Variants in LONP1 observed in about 807,000 individuals in gnomAD.
LONP1 encodes lon protease homolog, mitochondrial.
A neutral mutation model predicts 98.5 loss-of-function variants in LONP1; 31 were observed. The observed-to-expected ratio is 0.31, with a 90% CI of 0.24 to 0.42. The LOEUF (loss-of-function observed/expected upper bound fraction) is 0.42, where lower values mean the gene tolerates loss of function less well. Among genes scored for constraint, LONP1 ranks in the 20% least tolerant of loss-of-function variants. The pLI, the probability that LONP1 is intolerant of heterozygous loss-of-function variation, is 1.00. For missense variants in LONP1, 1,336 were observed against 1,350.6 expected, an observed-to-expected ratio of 0.99 and a Z score of 0.17; for synonymous variants, 781 against 594.7, an observed-to-expected ratio of 1.31 and a Z score of -4.56.
intron 8 of LONP1, among the ~76,000 whole-genome samples, chr19:5,703,427 G>A (rs576814462): frequency 6.6e-6 from 1 of 152,250 alleles, no homozygotes; most frequent in South Asian, 2.1e-4. Flanking sequence ...TGAAGGTTGG[G>A]AGGGCAACTC....
At position 5,696,767 on chromosome 19, in the gene LONP1, C is replaced by A; in HGVS notation, c.1686-10G>T. On this transcript the variant is annotated splice_polypyrimidine_tract_variant and intron_variant, in intron 10 of 17. Coordinates refer to ENST00000360614, the MANE Select transcript of LONP1 (RefSeq NM_004793.4). ...GCCCACGTAGGTCCGCCTGTGGGTG[C>A]ACAGCGGGGTCAGAGGTCACTTGGT... 1 of 1,599,834 alleles carries A rather than the reference C, an allele frequency of 6.3e-7. No homozygotes were observed. Among genetic ancestry groups the A allele is most frequent in the Non-Finnish European group, 8.6e-7 (1 of 1,168,376 alleles).
chr19:5,706,515 G>A (rs1269133222), intron 7 of LONP1, among the ~76,000 whole-genome samples: 1 of 152,106 alleles, frequency 6.6e-6, no homozygotes, highest in Non-Finnish European at 1.5e-5. Context: ...GCTGAGGTGG[G>A]AGGATCACTT....
In LONP1 at chr19:5,699,586, C is replaced by A. The variant is rs2055005311; in HGVS notation, c.1507-381G>T. Among the ~76,000 whole-genome samples, 6 of 129,642 alleles carry A rather than the reference C, an allele frequency of 4.6e-5. No individual in the cohort carries two copies. The Admixed American group carries it at 5.2e-4, about 11-fold the overall frequency. 85.1% of individuals were successfully genotyped at this position (129,642 alleles called of 152,430 possible). A position where few individuals can be genotyped will look rare whatever the true frequency, so the allele number is the denominator to read the frequency against. On this transcript the variant is annotated intron_variant, in intron 9 of 17. Transcript: ENST00000360614. Reference sequence around the variant, plus strand: ...TTTTTTTTTTTTTTTGAGATGGAGTCTTGCTCTGTGGCCCAGGCTAGAGTG... The same window carrying A: ...TTTTTTTTTTTTTTTGAGATGGAGTATTGCTCTGTGGCCCAGGCTAGAGTG...
At chr19:5,696,019 G>C (rs1427593702) in intron 13 of LONP1, 35 bp downstream of exon 13, 1 of 1,581,186 alleles carries the variant, frequency 6.3e-7, no homozygotes, top group African/African-American at 1.3e-5. Flanking sequence ...CCCTGCTCTG[G>C]GAAGGGGACA....
intron 2 of LONP1, 119 bp from the exon 3 acceptor site, chr19:5,713,372 C>G: frequency 1.6e-6 from 2 of 1,289,296 alleles, no homozygotes; most frequent in East Asian, 2.4e-5. Context: ...TACTGAAAAC[C>G]AAGAGCGGCC....
chr19:5,697,780 G>A (rs932425292), intron 10 of LONP1, among the ~76,000 whole-genome samples: 2 of 151,960 alleles, frequency 1.3e-5, no homozygotes, highest in Non-Finnish European at 1.5e-5. Context: ...GGAACCCAGA[G>A]ACGTCAGCAG....
intron 14 of LONP1, 65 bp from the exon 15 acceptor site, chr19:5,694,617 G>C: frequency 6.3e-7 from 1 of 1,583,396 alleles, no homozygotes; most frequent in Non-Finnish European, 8.6e-7. Flanking sequence ...GTGGTGGGGT[G>C]ACGGGCACAG....
chr19:5,707,589 C>T, intron 6 of LONP1, 108 bp downstream of exon 6: 1 of 1,220,202 alleles, frequency 8.2e-7, no homozygotes, highest in East Asian at 2.4e-5. Flanking sequence ...CAAGGGCAGC[C>T]AGGCATGGGG....
In LONP1 at chr19:5,711,906, C is replaced by T. The variant is rs2055244120; in HGVS notation, c.735G>A (p.Glu245=). ...PRRKSKRGKK[E]AEDELSARHP... is the part of the protein sequence containing the mutation. ...GCCTGGCGCTCAGCTCGTCCTCCGC[C>T]TCCTTCTTGCCCCGCTTTGACTTCC... Residue 245 remains glutamate (E), a synonymous_variant, in exon 4 of 18, where the codon GAG becomes GAA. Transcript: ENST00000360614. 6.2e-7 allele frequency: 1 copy of T among 1,613,164 alleles called. No individual in the cohort carries two copies. Among genetic ancestry groups the T allele is most frequent in the Non-Finnish European group, 8.5e-7 (1 of 1,179,764 alleles).
At position 5,699,169 on chromosome 19, in the gene LONP1, G is replaced by C; in HGVS notation, c.1543C>G (p.Gln515Glu). 6.5e-7 allele frequency: 1 copy of C among 1,527,054 alleles called. No homozygotes were observed. The highest frequency in any genetic ancestry group is 2.4e-5 in the East Asian group (1 of 41,048). The allele number at this position is 1,527,054 out of a possible 1,614,324, so 94.6% of individuals were successfully genotyped here. ...IAVSQLRGSTQGKILCFYGPP... is the reference protein window; with the variant it reads ...IAVSQLRGSTEGKILCFYGPP... ...CCATAGAAGCAGAGGATCTTGCCCT[G>C]GGTGGAGCCGCGGAGCTGGCTAACG... is the stretch of plus-strand genomic sequence containing the variant. The change falls in exon 10 of 18, where the codon CAG (glutamine) becomes GAG (glutamate). Residue 515 changes from glutamine (Q) to glutamate (E), a missense_variant. Physicochemically the swap from Gln to Glu is conservative, Grantham distance 29. Transcript: ENST00000360614.
chr19:5,717,969 C>G lies in LONP1; in HGVS notation c.429+1735G>C, dbSNP rs1295203100. ...AAATTATGCTCCTGCCTCAGCCTCCCAAAGTGCTGGGATTAAACATGTGAG... is the reference window on the plus strand; with the variant it reads ...AAATTATGCTCCTGCCTCAGCCTCCGAAAGTGCTGGGATTAAACATGTGAG... On this transcript the variant is annotated intron_variant, in intron 1 of 17. Coordinates refer to ENST00000360614, the MANE Select transcript of LONP1 (RefSeq NM_004793.4). 2.0e-5 allele frequency among the ~76,000 whole-genome samples: 3 copies of G among 151,680 alleles called. No individual in the cohort carries two copies. The South Asian group carries it at 6.3e-4, about 32-fold the overall frequency.
intron 13 of LONP1, 106 bp downstream of exon 13, chr19:5,695,948 C>G (rs2054918913): frequency 1.0e-6 from 1 of 972,056 alleles, no homozygotes; most frequent in Admixed American, 2.4e-5. Flanking sequence ...CAGGTCCCAC[C>G]TGTCTCTCCC....
At chr19:5,697,672 G>A (rs577088004) in intron 10 of LONP1, among the ~76,000 whole-genome samples, 1 of 151,818 alleles carries the variant, frequency 6.6e-6, no homozygotes, top group African/African-American at 2.4e-5. Flanking sequence ...GAGGAACGTG[G>A]GAGCCCTGGA....
chr19:5,719,881 G>A lies in LONP1; in HGVS notation c.252C>T (p.Asp84=), dbSNP rs761943496. The stretch of plus-strand genomic sequence containing the variant: ...CTTCCTCCGCGCCGCCCTCGGAGGC[G>A]TCCTCGCCCCCCGAGAATGCGCCTC... ...RGGGAFSGGE[D]ASEGGAEEGA... Residue 84 remains aspartate (D), a synonymous_variant, in exon 1 of 18, where the codon GAC becomes GAT. Coordinates refer to ENST00000360614, the MANE Select transcript of LONP1 (RefSeq NM_004793.4). 2 of 1,574,200 alleles carry A rather than the reference G, an allele frequency of 1.3e-6. No individual in the cohort carries two copies. Among genetic ancestry groups the A allele is most frequent in the Non-Finnish European group, 1.7e-6 (2 of 1,160,820 alleles).
In LONP1 at chr19:5,698,439, A is replaced by C. The variant is rs543065848; in HGVS notation, c.1685+588T>G. 2.0e-5 allele frequency among the ~76,000 whole-genome samples: 3 copies of C among 152,274 alleles called. No homozygotes were observed. In the South Asian group the frequency reaches 6.2e-4, roughly 32 times the overall value. ...GCTGGCGAGGAGGGAAGCCCCAGAA[A>C]AGCCGCGCCCGGCTGCCCACCCAAA... On this transcript the variant is annotated intron_variant, in intron 10 of 17. Coordinates refer to ENST00000360614, the MANE Select transcript of LONP1 (RefSeq NM_004793.4).
intron 1 of LONP1, among the ~76,000 whole-genome samples, chr19:5,717,893 T>C: frequency 7.1e-6 from 1 of 141,354 alleles, no homozygotes; most frequent in African/African-American, 2.6e-5. Context: ...CTTTCTTTCT[T>C]TTTTTTTTTT....
At position 5,714,208 on chromosome 19, in the gene LONP1, C is replaced by A. The variant is rs780360153; in HGVS notation, c.493G>T (p.Gly165Cys). ...RKVRLAQPYV[G>C]VFLKRDDSNE... ...CTGTCATCTCTCTTTAGAAAGACGC[C>A]GACATAAGGCTGGGCGAGACGAACT... The change falls in exon 2 of 18, where the codon GGC (glycine) becomes TGC (cysteine). Residue 165 changes from glycine (G) to cysteine (C), a missense_variant. Around this residue, in one of 5 missense-constraint regions of LONP1, gnomAD observed 457 missense variants for 403.1 expected, o/e 1.13. Transcript: ENST00000360614. 6.2e-7 allele frequency: 1 copy of A among 1,613,516 alleles called. No individual in the cohort carries two copies. The highest frequency in any genetic ancestry group is 2.2e-5 in the East Asian group (1 of 44,882).
chr19:5,708,460 C>A, intron 4 of LONP1, 57 bp from the exon 5 acceptor site: 1 of 459,986 alleles, frequency 2.2e-6, no homozygotes, highest in East Asian at 6.2e-5. Context: ...AGGGGGTGGG[C>A]TGGGTGGGAG....
At chr19:5,714,863 C>T (rs1210270026) in intron 1 of LONP1, 1 of 151,886 alleles carries the variant, frequency 6.6e-6, no homozygotes, top group Non-Finnish European at 1.5e-5. Flanking sequence ...CGTGATCCAC[C>T]CACCTCAGCC....
Sources: allele counts gnomAD v4.1 joint callset (sites outside exome capture counted in the v4.1 genomes callset), GRCh38; gene constraint gnomAD v4.1.1; regional missense constraint gnomAD v4.1.1; transcripts MANE v1.5; gene names NCBI Gene and HGNC (gene_info 2026-07-23, HGNC 2026-07-21).